CDC42BPA: variants seen among roughly 807,000 people sequenced by gnomAD.
CDC42BPA encodes the protein CDC42 binding protein kinase alpha.
In CDC42BPA, 80 loss-of-function variants were observed where a neutral mutation model predicts 223.5. The ratio of observed to expected loss-of-function variants is 0.36; its 90% CI spans 0.30 to 0.43. The LOEUF is 0.43. Among genes scored for constraint, CDC42BPA ranks in the 20% least tolerant of loss-of-function variants. The probability of loss-of-function intolerance (pLI) is 1.00; values close to 1 mark genes in which losing one functional copy is unlikely to be tolerated. For missense variants in CDC42BPA, 1,743 were observed against 2,099.9 expected (o/e 0.83, Z 3.32); for synonymous variants, 694 against 718.6 (o/e 0.97, Z 0.55).
Position 227,034,852 on chromosome 1 carries a change from A to C in CDC42BPA, c.3337-58T>G, listed in dbSNP as rs181551865. 1,291 of 1,464,432 alleles carry C rather than the reference A, an allele frequency of 8.8e-4. 8 individuals carry two copies. The African/African-American group carries it at 0.017, about 19-fold the overall frequency. 90.7% of individuals were successfully genotyped at this position (1,464,432 alleles called of 1,614,324 possible). A position where few individuals can be genotyped will look rare whatever the true frequency, so the allele number is the denominator to read the frequency against. ...AACAACTCAAATGAAAATATCCCTT[A>C]AATTACATATGTAATTGCATGGTGA... On this transcript the variant is annotated intron_variant, in intron 25 of 36. Transcript: ENST00000366766.
chr1:227,185,891 A>T (rs1375176068), intron 5 of CDC42BPA, among the ~76,000 whole-genome samples: 1 of 152,198 alleles, frequency 6.6e-6, no homozygotes, highest in African/African-American at 2.4e-5. Context: ...CCAGTATGTA[A>T]GGAGTCCAGA....
At chr1:227,047,541 A>G (rs1037521021) in intron 23 of CDC42BPA, among the ~76,000 whole-genome samples, 16 of 152,084 alleles carry the variant, frequency 1.1e-4, no homozygotes, top group Non-Finnish European at 1.8e-4. Flanking sequence ...CTTCAGTCAT[A>G]TTTATGTCAA....
At chr1:227,076,332 C>T (rs1679469959) in intron 17 of CDC42BPA, among the ~76,000 whole-genome samples, 1 of 152,208 alleles carries the variant, frequency 6.6e-6, no homozygotes, top group Non-Finnish European at 1.5e-5. Flanking sequence ...TCTCAGCTCA[C>T]TGCAACTTCC....
At chr1:227,138,022 C>A (rs1658944242) in intron 10 of CDC42BPA, among the ~76,000 whole-genome samples, 1 of 144,236 alleles carries the variant, frequency 6.9e-6, no homozygotes, top group African/African-American at 2.5e-5. Flanking sequence ...TGTATCACCA[C>A]AGGAAAAAAA....
intron 14 of CDC42BPA, among the ~76,000 whole-genome samples, chr1:227,102,212 G>A (rs647702): frequency 0.28 from 43,123 of 152,054 alleles, 6,333 homozygotes; most frequent in African/African-American, 0.35. Flanking sequence ...ACTCCTTCAT[G>A]TTTGAAGTAT....
chr1:227,100,859 T>A (rs1684929774), intron 15 of CDC42BPA, 133 bp downstream of exon 15: 1 of 605,162 alleles, frequency 1.7e-6, no homozygotes, highest in Non-Finnish European at 2.8e-6. Context: ...TGTATTATAA[T>A]TTTCTATCTG....
At chr1:227,133,059 G>A (rs1359093116) in intron 10 of CDC42BPA, among the ~76,000 whole-genome samples, 3 of 148,704 alleles carry the variant, frequency 2.0e-5, no homozygotes, top group Non-Finnish European at 4.5e-5. Context: ...CCCCCACCAG[G>A]CCAGCCGCCC....
intron 16 of CDC42BPA, among the ~76,000 whole-genome samples, chr1:227,091,208 T>C (rs574609134): frequency 6.6e-6 from 1 of 151,688 alleles, no homozygotes; most frequent in South Asian, 2.1e-4. Context: ...GATGAATATA[T>C]GAAAAAAAAG....
intron 8 of CDC42BPA, among the ~76,000 whole-genome samples, chr1:227,145,187 C>A (rs1341653900): frequency 6.6e-6 from 1 of 152,158 alleles, no homozygotes; most frequent in Non-Finnish European, 1.5e-5. Flanking sequence ...ACTTTACAAT[C>A]ATAAAATCTG....
intron 16 of CDC42BPA, among the ~76,000 whole-genome samples, chr1:227,089,626 C>G (rs1417686832): frequency 1.0e-5 from 1 of 100,072 alleles, no homozygotes; most frequent in Admixed American, 1.4e-4. Flanking sequence ...TGGGTAATTC[C>G]GTTTTTTTTT....
At chr1:227,201,772 A>C (rs1671808984) in intron 3 of CDC42BPA, among the ~76,000 whole-genome samples, 1 of 44,030 alleles carries the variant, frequency 2.3e-5, no homozygotes, top group African/African-American at 9.5e-5. Flanking sequence ...GTGCTCTGTA[A>C]GTTTTTTTTT....
intron 2 of CDC42BPA, among the ~76,000 whole-genome samples, chr1:227,227,104 G>A (rs1676995197): frequency 6.6e-6 from 1 of 151,850 alleles, no homozygotes; most frequent in African/African-American, 2.4e-5. Context: ...TAAACAAAAA[G>A]GAAACTACTA....
intron 17 of CDC42BPA, among the ~76,000 whole-genome samples, chr1:227,080,506 G>GTT (rs766413370): frequency 6.6e-6 from 1 of 151,878 alleles, no homozygotes; most frequent in Non-Finnish European, 1.5e-5. Context: ...TAGCTTCTAA[G>GTT]TTTTTTTTGC....
intron 1 of CDC42BPA, among the ~76,000 whole-genome samples, chr1:227,257,885 A>C (rs1313537375): frequency 1.3e-5 from 2 of 151,142 alleles, no homozygotes; most frequent in African/African-American, 2.5e-5. Context: ...AGAACTAAAA[A>C]TGGGGCCGGG....
chr1:227,250,036 T>C (rs1239748341), intron 2 of CDC42BPA, among the ~76,000 whole-genome samples: 7 of 152,206 alleles, frequency 4.6e-5, no homozygotes, highest in Non-Finnish European at 1.0e-4. Context: ...GGATTTTCTG[T>C]AACACAAAGG....
intron 34 of CDC42BPA, among the ~76,000 whole-genome samples, chr1:227,015,490 A>G (rs375966192): frequency 2.0e-5 from 3 of 152,300 alleles, no homozygotes; most frequent in East Asian, 3.9e-4. Context: ...TCCTGGCCTC[A>G]GCAATCCTCA....
At chr1:227,047,723 A>G (rs559690786) in intron 23 of CDC42BPA, among the ~76,000 whole-genome samples, 1 of 152,300 alleles carries the variant, frequency 6.6e-6, no homozygotes, top group East Asian at 1.9e-4. Flanking sequence ...ACTTCAAAAC[A>G]TTGAATTTAA....
chr1:227,310,892 C>T (rs113572722), intron 1 of CDC42BPA, among the ~76,000 whole-genome samples: 2 of 151,706 alleles, frequency 1.3e-5, no homozygotes, highest in African/African-American at 4.8e-5. Context: ...GCGGTTTCAC[C>T]ATGTTAGCCA....
intron 10 of CDC42BPA, among the ~76,000 whole-genome samples, chr1:227,136,746 G>A (rs1488631347): frequency 6.6e-6 from 1 of 152,204 alleles, no homozygotes; most frequent in Non-Finnish European, 1.5e-5. Context: ...AAATAATACA[G>A]TAGAGCTCTG....
Sources: allele counts gnomAD v4.1 joint callset (sites outside exome capture counted in the v4.1 genomes callset), GRCh38; gene constraint gnomAD v4.1.1; transcripts MANE v1.5; gene names NCBI Gene and HGNC (gene_info 2026-07-23, HGNC 2026-07-21).